PTPRD: variants seen among roughly 807,000 people sequenced by gnomAD.
The protein encoded by PTPRD is receptor-type tyrosine-protein phosphatase delta.
In PTPRD, 34 loss-of-function variants were observed where a neutral mutation model predicts 214.5. The observed-to-expected ratio is 0.16, with a 90% CI of 0.12 to 0.21. PTPRD has a LOEUF of 0.21. Ranked by LOEUF, PTPRD falls within the 10% of genes least tolerant of loss-of-function variation. The pLI is 1.00. For missense variants in PTPRD, 2,545 were observed against 2,398.7 expected, an observed-to-expected ratio of 1.06 and a Z score of -1.27; for synonymous variants, 1,128 against 845.7, an observed-to-expected ratio of 1.33 and a Z score of -5.79.
At chr9:9,747,761 C>T (rs541741119) in intron 6 of PTPRD, among the ~76,000 whole-genome samples, 23 of 152,072 alleles carry the variant, frequency 1.5e-4, no homozygotes, top group African/African-American at 3.9e-4. Flanking sequence ...CCATTTTGGC[C>T]GGGCTGGTCT....
intron 37 of PTPRD, among the ~76,000 whole-genome samples, chr9:8,380,100 T>A (rs1051885128): frequency 1.3e-5 from 2 of 152,122 alleles, no homozygotes; most frequent in South Asian, 4.1e-4. Flanking sequence ...GGGGGGTTGT[T>A]GTTATAAATT....
intron 3 of PTPRD, among the ~76,000 whole-genome samples, chr9:10,176,410 A>G (rs1356213779): frequency 6.6e-6 from 1 of 151,928 alleles, no homozygotes; most frequent in Non-Finnish European, 1.5e-5. Flanking sequence ...CACTCAGATT[A>G]TCCATAAAAT....
chr9:9,544,753 C>A (rs543514689), intron 8 of PTPRD, among the ~76,000 whole-genome samples: 114 of 151,548 alleles, frequency 7.5e-4, no homozygotes, highest in African/African-American at 2.6e-3. Flanking sequence ...TAGGTCTAAG[C>A]TTTATGTATT....
intron 7 of PTPRD, among the ~76,000 whole-genome samples, chr9:9,641,598 G>A (rs983441091): frequency 6.6e-6 from 1 of 152,176 alleles, no homozygotes; most frequent in Non-Finnish European, 1.5e-5. Context: ...TTAAAAGCCA[G>A]TGCCCTTATA....
At position 9,723,487 on chromosome 9, in the gene PTPRD, T is replaced by C. The variant is rs578128097; in HGVS notation, c.-287+11046A>G. 3.3e-5 allele frequency among the ~76,000 whole-genome samples: 5 copies of C among 152,188 alleles called. No homozygotes were observed. In the South Asian group the frequency reaches 1.0e-3, roughly 31 times the overall value. ...TATGAGTCCTCCTACTTTGTTCTTT[T>C]TTAAAGATTTGGCTATTCTGGGTCC... On this transcript the variant is annotated intron_variant, in intron 7 of 45. Coordinates refer to ENST00000381196, the MANE Select transcript of PTPRD (RefSeq NM_002839.4).
rs202093625 is a variant in PTPRD at position 10,176,850 on chromosome 9, G to GT, written c.-544-143061dup. On this transcript the variant is annotated intron_variant, in intron 3 of 45. Coordinates refer to ENST00000381196, the MANE Select transcript of PTPRD (RefSeq NM_002839.4). ...ATATGGAATAAACACTTAATGTCTA[G>GT]TTTTTTTATCAATAAAGTGAGTGGG... 3.8e-3 allele frequency among the ~76,000 whole-genome samples: 574 copies of GT among 152,012 alleles called. 4 individuals carry two copies. Among genetic ancestry groups the GT allele is most frequent in the African/African-American group, 0.013 (553 of 41,512 alleles).
intron 2 of PTPRD, among the ~76,000 whole-genome samples, chr9:10,391,385 G>T (rs77531494): frequency 6.6e-6 from 1 of 151,444 alleles, no homozygotes; most frequent in Non-Finnish European, 1.5e-5. Flanking sequence ...ATGTTTTTCC[G>T]TTACATTCTT....
At chr9:8,906,434 T>A (rs1358000028) in intron 11 of PTPRD, among the ~76,000 whole-genome samples, 1 of 152,204 alleles carries the variant, frequency 6.6e-6, no homozygotes, top group African/African-American at 2.4e-5. Context: ...TTGATATAGT[T>A]CAGTTTTCTC....
At chr9:9,970,579 C>G (rs190167600) in intron 4 of PTPRD, among the ~76,000 whole-genome samples, 7 of 152,122 alleles carry the variant, frequency 4.6e-5, no homozygotes, top group Non-Finnish European at 7.4e-5. Flanking sequence ...CTCCTCCCCC[C>G]ACACAGGGCA....
At chr9:8,505,983 C>T (rs902540937) in intron 22 of PTPRD, among the ~76,000 whole-genome samples, 3 of 152,182 alleles carry the variant, frequency 2.0e-5, no homozygotes, top group African/African-American at 7.2e-5. Context: ...GTCATATCTG[C>T]ATTTCAACTA....
At chr9:9,925,124 T>C (rs567360087) in intron 5 of PTPRD, among the ~76,000 whole-genome samples, 1 of 152,232 alleles carries the variant, frequency 6.6e-6, no homozygotes, top group South Asian at 2.1e-4. Flanking sequence ...TTATAGTAGG[T>C]TGTAGCAGTA....
chr9:10,262,542 A>G (rs779105224), intron 3 of PTPRD, among the ~76,000 whole-genome samples: 2 of 152,210 alleles, frequency 1.3e-5, no homozygotes, highest in Non-Finnish European at 2.9e-5. Flanking sequence ...TCCATGTAGG[A>G]TACATAATTG....
chr9:9,284,085 G>A (rs1948630788), intron 9 of PTPRD, among the ~76,000 whole-genome samples: 1 of 151,592 alleles, frequency 6.6e-6, no homozygotes, highest in Non-Finnish European at 1.5e-5. Flanking sequence ...CATTATTGGT[G>A]TTCTTAGCTA....
chr9:10,010,417 A>AAATTT (rs140527973), intron 4 of PTPRD, among the ~76,000 whole-genome samples: 85 of 150,362 alleles, frequency 5.7e-4, no homozygotes, highest in African/African-American at 1.3e-3. Flanking sequence ...TTTAAATTTA[A>AAATTT]AATTTAATTT....
chr9:9,877,668 T>C (rs953710228), intron 5 of PTPRD, among the ~76,000 whole-genome samples: 5 of 151,926 alleles, frequency 3.3e-5, no homozygotes, highest in African/African-American at 4.8e-5. Flanking sequence ...TTTGATTAAG[T>C]GTACAAACTC....
At chr9:9,824,931 G>A (rs1194043547) in intron 5 of PTPRD, among the ~76,000 whole-genome samples, 1 of 151,966 alleles carries the variant, frequency 6.6e-6, no homozygotes. Context: ...AGTGGGCTCT[G>A]GTACCAGATG....
intron 9 of PTPRD, among the ~76,000 whole-genome samples, chr9:9,332,653 G>A (rs759940790): frequency 6.6e-6 from 1 of 151,542 alleles, no homozygotes; most frequent in Non-Finnish European, 1.5e-5. Context: ...TTCTAGTGAT[G>A]CTAAGGATAG....
intron 3 of PTPRD, among the ~76,000 whole-genome samples, chr9:10,278,539 A>G (rs1265366514): frequency 6.6e-6 from 1 of 152,156 alleles, no homozygotes; most frequent in Non-Finnish European, 1.5e-5. Context: ...AACAGGAAAG[A>G]AAGAACTCAT....
chr9:8,969,800 A>G (rs946033362), intron 11 of PTPRD, among the ~76,000 whole-genome samples: 1 of 151,944 alleles, frequency 6.6e-6, no homozygotes, highest in Non-Finnish European at 1.5e-5. Context: ...GAAAAGTATA[A>G]AAAAGTAATA....
Sources: allele counts gnomAD v4.1 joint callset (sites outside exome capture counted in the v4.1 genomes callset), GRCh38; gene constraint gnomAD v4.1.1; transcripts MANE v1.5; gene names NCBI Gene and HGNC (gene_info 2026-07-23, HGNC 2026-07-21).